The following NRXN1 variants were observed in gnomAD, a reference collection of about 807,000 sequenced individuals.
NRXN1 encodes the protein neurexin-1.
A neutral mutation model predicts 150.9 loss-of-function variants in NRXN1; 39 were observed. The observed-to-expected ratio is 0.26, with a 90% CI of 0.20 to 0.34. The LOEUF (loss-of-function observed/expected upper bound fraction) is 0.34, where lower values mean the gene tolerates loss of function less well. NRXN1 is among the 10% of genes least tolerant of loss of function. The pLI is 1.00. For synonymous variants in NRXN1, 924 were observed against 757.0 expected (o/e 1.22, Z -3.62); for missense variants, 1,815 against 1,949.9 (o/e 0.93, Z 1.30).
intron 2 of NRXN1, among the ~76,000 whole-genome samples, chr2:51,003,064 G>T (rs545350754): frequency 1.3e-4 from 19 of 151,934 alleles, no homozygotes; most frequent in Admixed American, 1.1e-3. Flanking sequence ...AGGAGAAATA[G>T]GAGGAAACAC....
intron 21 of NRXN1, among the ~76,000 whole-genome samples, chr2:50,007,823 G>T (rs1685016579): frequency 6.6e-6 from 1 of 152,054 alleles, no homozygotes; most frequent in Non-Finnish European, 1.5e-5. Flanking sequence ...CTTCCACAGT[G>T]GTTGAACTAA....
chr2:50,712,117 T>C (rs973804994), intron 5 of NRXN1, among the ~76,000 whole-genome samples: 6 of 152,132 alleles, frequency 3.9e-5, no homozygotes, highest in South Asian at 2.1e-4. Context: ...CTAAGTGCTA[T>C]ATATTATGTT....
At chr2:50,493,034 TA>T (rs1456418876) in intron 15 of NRXN1, among the ~76,000 whole-genome samples, 1 of 152,216 alleles carries the variant, frequency 6.6e-6, no homozygotes, top group Admixed American at 6.5e-5. Context: ...CTCAAGTAGC[TA>T]AAGTTGGCTG....
chr2:50,144,628 A>C (rs1192907690), intron 18 of NRXN1, among the ~76,000 whole-genome samples: 1 of 151,930 alleles, frequency 6.6e-6, no homozygotes, highest in East Asian at 1.9e-4. Flanking sequence ...TGTATGGAAT[A>C]ATTATATATG....
At chr2:50,868,710 G>T (rs1677330370) in intron 5 of NRXN1, among the ~76,000 whole-genome samples, 1 of 151,712 alleles carries the variant, frequency 6.6e-6, no homozygotes, top group African/African-American at 2.4e-5. Context: ...TAAAAATTGA[G>T]ATCAAAATTT....
intron 5 of NRXN1, among the ~76,000 whole-genome samples, chr2:50,653,563 G>A (rs374087817): frequency 6.6e-6 from 1 of 152,026 alleles, no homozygotes; most frequent in East Asian, 1.9e-4. Flanking sequence ...TATGGAGGCA[G>A]TTTTGGCCAA....
chr2:50,439,460 A>T, intron 17 of NRXN1, among the ~76,000 whole-genome samples: 1 of 152,202 alleles, frequency 6.6e-6, no homozygotes, highest in East Asian at 1.9e-4. Flanking sequence ...AGCAGTTCTG[A>T]CAGACGCAGA....
intron 19 of NRXN1, among the ~76,000 whole-genome samples, chr2:50,081,524 C>G (rs948656955): frequency 6.6e-6 from 1 of 152,120 alleles, no homozygotes; most frequent in Non-Finnish European, 1.5e-5. Context: ...TGCACTCCAG[C>G]CCGGTGATAG....
At chr2:50,776,585 T>C (rs927373450) in intron 5 of NRXN1, among the ~76,000 whole-genome samples, 5 of 151,288 alleles carry the variant, frequency 3.3e-5, no homozygotes, top group African/African-American at 1.2e-4. Context: ...TATAATATTA[T>C]ATGTATTATA....
chr2:50,368,485 T>C (rs1478802628), intron 17 of NRXN1, among the ~76,000 whole-genome samples: 1 of 152,004 alleles, frequency 6.6e-6, no homozygotes, highest in African/African-American at 2.4e-5. Context: ...TTTGTATGAA[T>C]TGAATTCTAG....
intron 5 of NRXN1, among the ~76,000 whole-genome samples, chr2:50,671,817 T>C (rs9309186): frequency 0.55 from 83,399 of 151,594 alleles, 23,308 homozygotes; most frequent in East Asian, 0.83. Flanking sequence ...ATATAATAGT[T>C]GTAACTGCAC....
chr2:50,774,058 C>T (rs200426927), intron 5 of NRXN1, among the ~76,000 whole-genome samples: 12 of 151,980 alleles, frequency 7.9e-5, no homozygotes. Flanking sequence ...ATCAGTATAT[C>T]GAATTGAAAT....
At chr2:50,000,230 T>C (rs940507769) in intron 21 of NRXN1, among the ~76,000 whole-genome samples, 1 of 152,228 alleles carries the variant, frequency 6.6e-6, no homozygotes, top group Non-Finnish European at 1.5e-5. Flanking sequence ...TGGCAGCTCA[T>C]TTGAATCTAC....
rs1042245134 is a variant in NRXN1 at position 50,133,605 on chromosome 2, T to C, written c.3547-42111A>G. On this transcript the variant is annotated intron_variant, in intron 18 of 22. Coordinates refer to ENST00000401669, the MANE Select transcript of NRXN1 (RefSeq NM_001330078.2). ...AAGAAAAAAATTAGTAAACTAGTTG[T>C]GTTCTGGAAAAGAAAAATAAATTAA... Among the ~76,000 whole-genome samples, 7 of 152,220 alleles carry C rather than the reference T, an allele frequency of 4.6e-5. No individual in the cohort carries two copies. In the East Asian group the frequency reaches 1.2e-3, roughly 25 times the overall value.
At chr2:49,926,253 A>T in intron 22 of NRXN1, 1 of 398,064 alleles carries the variant, frequency 2.5e-6, no homozygotes. Flanking sequence ...CTATAGAAAA[A>T]TCCCTGGGAC....
At chr2:50,117,906 T>C (rs1325636178) in intron 18 of NRXN1, among the ~76,000 whole-genome samples, 3 of 152,166 alleles carry the variant, frequency 2.0e-5, no homozygotes, top group Admixed American at 6.6e-5. Flanking sequence ...AAAAATTTAA[T>C]GTAATTACTT....
chr2:49,985,070 T>C (rs1680669546), intron 21 of NRXN1, among the ~76,000 whole-genome samples: 3 of 152,206 alleles, frequency 2.0e-5, no homozygotes, highest in Admixed American at 6.5e-5. Flanking sequence ...GGCACTTAGA[T>C]TGAGCTAGTT....
chr2:50,319,588 AAATT>A, intron 17 of NRXN1, among the ~76,000 whole-genome samples: 1 of 152,246 alleles, frequency 6.6e-6, no homozygotes, highest in East Asian at 1.9e-4. Context: ...CTAATTTATA[AAATT>A]AATTGTGTAA....
At chr2:50,038,586 C>A (rs532460055) in intron 21 of NRXN1, among the ~76,000 whole-genome samples, 37 of 152,298 alleles carry the variant, frequency 2.4e-4, no homozygotes, top group African/African-American at 8.4e-4. Flanking sequence ...CACAGGCACC[C>A]AGCTAAGTTT....
Sources: gnomAD v4.1 joint callset for allele counts (sites outside exome capture counted in the v4.1 genomes callset) on GRCh38, gnomAD v4.1.1 for gene constraint, MANE v1.5 for transcripts, NCBI Gene and HGNC (gene_info 2026-07-23, HGNC 2026-07-21) for gene names.